PDE3A: variants seen among roughly 807,000 people sequenced by gnomAD.
The protein encoded by PDE3A is phosphodiesterase 3A, also known as cGMP-inhibited 3',5'-cyclic phosphodiesterase 3A.
A neutral mutation model predicts 98.3 loss-of-function variants in PDE3A; 43 were observed. The ratio of observed to expected loss-of-function variants is 0.44; its 90% CI spans 0.34 to 0.56. The LOEUF (loss-of-function observed/expected upper bound fraction) is 0.56, where lower values mean the gene tolerates loss of function less well. Among genes scored for constraint, PDE3A ranks in the 20% least tolerant of loss-of-function variants. PDE3A has a pLI of 0.01. For missense variants in PDE3A, 1,427 were observed against 1,440.7 expected (o/e 0.99, Z 0.15); for synonymous variants, 663 against 567.9 (o/e 1.17, Z -2.38).
At chr12:20,631,592 G>A (rs980671301) in intron 6 of PDE3A, among the ~76,000 whole-genome samples, 1 of 152,038 alleles carries the variant, frequency 6.6e-6, no homozygotes, top group African/African-American at 2.4e-5. Context: ...TTTTTAGGGA[G>A]AGTCTCCCAC....
At chr12:20,549,550 A>C (rs982561306) in intron 1 of PDE3A, among the ~76,000 whole-genome samples, 3 of 152,012 alleles carry the variant, frequency 2.0e-5, no homozygotes, top group Admixed American at 6.6e-5. Context: ...TGGTGCTCTT[A>C]TTGACTGTAG....
chr12:20,675,436 T>G (rs1434689174), intron 15 of PDE3A, among the ~76,000 whole-genome samples: 1 of 152,232 alleles, frequency 6.6e-6, no homozygotes, highest in Non-Finnish European at 1.5e-5. Flanking sequence ...TGGCCTAAAA[T>G]GCAGTTTAAA....
At chr12:20,436,919 A>T (rs1944787680) in intron 1 of PDE3A, among the ~76,000 whole-genome samples, 1 of 152,192 alleles carries the variant, frequency 6.6e-6, no homozygotes, top group Non-Finnish European at 1.5e-5. Context: ...TCCCCTTAGA[A>T]CATTGCTTTT....
chr12:20,440,452 G>C (rs983504454), intron 1 of PDE3A, among the ~76,000 whole-genome samples: 1 of 152,008 alleles, frequency 6.6e-6, no homozygotes, highest in Admixed American at 6.6e-5. Flanking sequence ...AATTTTATTT[G>C]CTCACTTAAG....
At chr12:20,385,487 C>G (rs1943739035) in intron 1 of PDE3A, among the ~76,000 whole-genome samples, 1 of 151,842 alleles carries the variant, frequency 6.6e-6, no homozygotes. Context: ...GACACATGCA[C>G]ACGTATGTTT....
intron 15 of PDE3A, among the ~76,000 whole-genome samples, chr12:20,657,183 T>TAAC (rs2121521331): frequency 6.6e-6 from 1 of 152,134 alleles, no homozygotes; most frequent in South Asian, 2.1e-4. Flanking sequence ...CCACATAGAG[T>TAAC]AACAGAATTT....
intron 1 of PDE3A, among the ~76,000 whole-genome samples, chr12:20,432,538 A>G (rs531839999): frequency 4.6e-5 from 7 of 152,178 alleles, no homozygotes; most frequent in Non-Finnish European, 8.8e-5. Context: ...TTTCACAAGT[A>G]TATATATGCT....
chr12:20,452,684 A>G lies in PDE3A; in HGVS notation c.960+82440A>G, dbSNP rs576882813. On this transcript the variant is annotated intron_variant, in intron 1 of 15. Coordinates refer to ENST00000359062, the MANE Select transcript of PDE3A (RefSeq NM_000921.5). ...ATCTTATGTGGTTAATGATCTGCAA[A>G]ACCCACCTGGGGGAATGCTGGTAGA... is the stretch of plus-strand genomic sequence containing the variant. 3.9e-5 allele frequency among the ~76,000 whole-genome samples: 6 copies of G among 152,162 alleles called. No individual in the cohort carries two copies. In the East Asian group the frequency reaches 7.7e-4, roughly 20 times the overall value.
intron 15 of PDE3A, among the ~76,000 whole-genome samples, chr12:20,659,556 A>C (rs1263800286): frequency 6.6e-6 from 1 of 151,092 alleles, no homozygotes; most frequent in Admixed American, 6.6e-5. Flanking sequence ...GCTAACTTGT[A>C]CTGTTTTTTT....
intron 1 of PDE3A, among the ~76,000 whole-genome samples, chr12:20,525,990 C>A (rs141292571): frequency 2.0e-5 from 3 of 152,070 alleles, no homozygotes; most frequent in African/African-American, 4.8e-5. Context: ...AAGAAAACAA[C>A]CTTATACTTG....
chr12:20,668,638 C>G (rs1284386749), intron 15 of PDE3A, among the ~76,000 whole-genome samples: 1 of 151,952 alleles, frequency 6.6e-6, no homozygotes, highest in East Asian at 1.9e-4. Flanking sequence ...AGCTGAGGGT[C>G]CTGTCTGTTA....
At chr12:20,375,937 G>A (rs990896618) in intron 1 of PDE3A, among the ~76,000 whole-genome samples, 1 of 151,862 alleles carries the variant, frequency 6.6e-6, no homozygotes, top group African/African-American at 2.4e-5. Flanking sequence ...TAGTGTCATA[G>A]GTTTTCAGAA....
rs563962550 is a variant in PDE3A at position 20,648,050 on chromosome 12, T to C, written c.2566-638T>C. On this transcript the variant is annotated intron_variant, in intron 12 of 15. Coordinates refer to ENST00000359062, the MANE Select transcript of PDE3A (RefSeq NM_000921.5). ...AAAATTCTCTAATAAAACTTCTCTC[T>C]GCATTATTAGAGAATTTCAAACAAG... Among the ~76,000 whole-genome samples, 70 of 151,826 alleles carry C rather than the reference T, an allele frequency of 4.6e-4. 2 individuals carry two copies. The South Asian group carries it at 0.014, about 30-fold the overall frequency.
rs149388337 is a variant in PDE3A at position 20,613,560 on chromosome 12, G to A, written c.1129G>A (p.Val377Met). The A allele has an allele frequency of 6.6e-5, 107 of 1,614,010 alleles. No individual in the cohort carries two copies. Among genetic ancestry groups the A allele is most frequent in the East Asian group, 2.2e-4 (10 of 44,876 alleles). ...AAACGTGTGCACATCCTTGAGAGCC[G>A]TGAGCAACTTGCTCAGCACACAGCT... ...PPNVCTSLRA[V>M]SNLLSTQLTF... The change falls in exon 3 of 16, where the codon GTG becomes ATG. Residue 377 changes from valine (V) to methionine (M), a missense_variant. By Grantham distance (21) the Val-to-Met change is conservative. Around this residue, in one of 3 missense-constraint regions of PDE3A, gnomAD observed 1,012 missense variants for 886.5 expected, o/e 1.14. Transcript: ENST00000359062.
chr12:20,482,932 G>A (rs1284025731), intron 1 of PDE3A, among the ~76,000 whole-genome samples: 1 of 152,156 alleles, frequency 6.6e-6, no homozygotes, highest in Non-Finnish European at 1.5e-5. Context: ...AAAGTGCAAA[G>A]TACGATATGA....
intron 8 of PDE3A, among the ~76,000 whole-genome samples, chr12:20,635,414 C>T (rs1944481045): frequency 1.3e-5 from 2 of 151,838 alleles, no homozygotes; most frequent in South Asian, 4.2e-4. Flanking sequence ...ACTAAAAATA[C>T]CAAAATTACC....
At chr12:20,610,926 A>AAGATACAAAGTAGC (rs1458214381) in intron 2 of PDE3A, among the ~76,000 whole-genome samples, 12 of 151,942 alleles carry the variant, frequency 7.9e-5, no homozygotes, top group African/African-American at 2.9e-4. Flanking sequence ...TGTAGGACAA[A>AAGATACAAAGTAGC]AGATACAAAG....
chr12:20,606,101 C>A (rs1263738577), intron 2 of PDE3A, among the ~76,000 whole-genome samples: 1 of 152,146 alleles, frequency 6.6e-6, no homozygotes, highest in Non-Finnish European at 1.5e-5. Flanking sequence ...TCTCCTTAAT[C>A]ATTTTAAAGA....
chr12:20,482,003 A>G (rs1293286711), intron 1 of PDE3A, among the ~76,000 whole-genome samples: 1 of 151,766 alleles, frequency 6.6e-6, no homozygotes, highest in African/African-American at 2.4e-5. Context: ...TGACCTCGTG[A>G]TCCACCTGCC....
Sources: allele counts gnomAD v4.1 joint callset (sites outside exome capture counted in the v4.1 genomes callset), GRCh38; gene constraint gnomAD v4.1.1; regional missense constraint gnomAD v4.1.1; transcripts MANE v1.5; gene names NCBI Gene and HGNC (gene_info 2026-07-23, HGNC 2026-07-21).